Variants in ABTB3 observed in about 807,000 individuals in gnomAD.
The protein encoded by ABTB3 is ankyrin repeat- and BTB/POZ domain-containing protein 3.
chr12:107,509,930 A>G, the ABTB3 span, among the ~76,000 whole-genome samples: 8 of 152,214 alleles, frequency 5.3e-5, no homozygotes, highest in Non-Finnish European at 8.8e-5. Context: ...CACTTAGATT[A>G]TTAGCAAACA....
the ABTB3 span, among the ~76,000 whole-genome samples, chr12:107,470,719 C>G: frequency 6.6e-6 from 1 of 152,240 alleles, no homozygotes; most frequent in Admixed American, 6.5e-5. Flanking sequence ...GGTGGCACCT[C>G]TCCCAATGCC....
chr12:107,515,951 A>C, the ABTB3 span, among the ~76,000 whole-genome samples: 1 of 152,100 alleles, frequency 6.6e-6, no homozygotes, highest in South Asian at 2.1e-4. Context: ...AAAGGAAAAC[A>C]AATGAGAGTG....
chr12:107,369,132 T>C, the ABTB3 span, among the ~76,000 whole-genome samples: 1 of 152,208 alleles, frequency 6.6e-6, no homozygotes, highest in Non-Finnish European at 1.5e-5. Flanking sequence ...TTTTGCTTTT[T>C]GGTTCGTGCC....
At chr12:107,584,526 C>G in the ABTB3 span, among the ~76,000 whole-genome samples, 8 of 152,216 alleles carry the variant, frequency 5.3e-5, no homozygotes, top group Non-Finnish European at 1.0e-4. Context: ...CTGAGTCGGT[C>G]AGAGCTGAGC....
the ABTB3 span, chr12:107,320,694 A>C: frequency 6.6e-6 from 3 of 455,958 alleles, no homozygotes; most frequent in Non-Finnish European, 1.3e-5. Flanking sequence ...TTTCCAGAGC[A>C]GTTTTTGAGG....
chr12:107,518,496 C>T, the ABTB3 span, among the ~76,000 whole-genome samples: 3 of 150,712 alleles, frequency 2.0e-5, no homozygotes, highest in South Asian at 2.1e-4. Flanking sequence ...AGAAAACTAT[C>T]GCAAGGACAG....
At chr12:107,337,817 A>G in the ABTB3 span, among the ~76,000 whole-genome samples, 1 of 152,242 alleles carries the variant, frequency 6.6e-6, no homozygotes, top group Non-Finnish European at 1.5e-5. Flanking sequence ...AAAATCAGCC[A>G]TTAGGTGAAT....
the ABTB3 span, among the ~76,000 whole-genome samples, chr12:107,625,368 T>G: frequency 1.3e-5 from 2 of 152,238 alleles, no homozygotes; most frequent in Non-Finnish European, 2.9e-5. Flanking sequence ...CATGGTATTA[T>G]GGGTGCTCTT....
At chr12:107,578,587 C>T in the ABTB3 span, among the ~76,000 whole-genome samples, 233 of 151,742 alleles carry the variant, frequency 1.5e-3, no homozygotes, top group Non-Finnish European at 2.8e-3. Context: ...TGAGGGGAGG[C>T]GCCTCTGAAA....
the ABTB3 span, chr12:107,319,420 C>T: frequency 3.1e-6 from 5 of 1,605,856 alleles, no homozygotes. Flanking sequence ...GCACCAAGTA[C>T]GAGATCCAGA....
chr12:107,379,648 C>A, the ABTB3 span, among the ~76,000 whole-genome samples: 1 of 152,100 alleles, frequency 6.6e-6, no homozygotes, highest in Non-Finnish European at 1.5e-5. Context: ...ATTGAGTATC[C>A]CCCACATCCC....
the ABTB3 span, among the ~76,000 whole-genome samples, chr12:107,371,750 T>A: frequency 1.3e-5 from 2 of 152,198 alleles, no homozygotes; most frequent in African/African-American, 4.8e-5. Flanking sequence ...CAAGATCCAT[T>A]TCCACTTATT....
chr12:107,469,454 A>T, the ABTB3 span, among the ~76,000 whole-genome samples: 1 of 152,282 alleles, frequency 6.6e-6, no homozygotes. Context: ...CTCATCCCTA[A>T]AATGGGAACA....
the ABTB3 span, among the ~76,000 whole-genome samples, chr12:107,433,220 G>A: frequency 3.4e-5 from 5 of 147,390 alleles, no homozygotes; most frequent in Non-Finnish European, 5.9e-5. Flanking sequence ...AACCCGGGAA[G>A]CGGAGCTTGC....
At chr12:107,573,979 G>C in the ABTB3 span, among the ~76,000 whole-genome samples, 1 of 152,150 alleles carries the variant, frequency 6.6e-6, no homozygotes, top group East Asian at 1.9e-4. Flanking sequence ...AACATCACAA[G>C]GTGTCTTTCT....
chr12:107,430,551 C>G, the ABTB3 span, among the ~76,000 whole-genome samples: 1 of 152,178 alleles, frequency 6.6e-6, no homozygotes, highest in Admixed American at 6.5e-5. Context: ...TGGGCCCCTT[C>G]TTTCTAATAG....
chr12:107,635,344 C>T, the ABTB3 span: 3 of 1,613,992 alleles, frequency 1.9e-6, no homozygotes, highest in East Asian at 2.2e-5. Flanking sequence ...GGCCCTACCC[C>T]ATCCCCAAGC....
At chr12:107,618,528 C>T in the ABTB3 span, 1 of 704,826 alleles carries the variant, frequency 1.4e-6, no homozygotes, top group Admixed American at 3.0e-5. Context: ...ACCCAGGGAG[C>T]TTCCCCTTTA....
chr12:107,529,232 GATA>G, the ABTB3 span, among the ~76,000 whole-genome samples: 1 of 151,190 alleles, frequency 6.6e-6, no homozygotes, highest in East Asian at 2.0e-4. Context: ...TGGTGATGGT[GATA>G]ATGATGGAGA....
Sources: gnomAD v4.1 joint callset for allele counts (sites outside exome capture counted in the v4.1 genomes callset) on GRCh38, gnomAD v4.1.1 for gene constraint, MANE v1.5 for transcripts, NCBI Gene and HGNC (gene_info 2026-07-23, HGNC 2026-07-21) for gene names.